Variants in FBLN5 observed in about 807,000 individuals in gnomAD.
FBLN5 encodes fibulin 5.
In FBLN5, 24 loss-of-function variants were observed where a neutral mutation model predicts 61.6. That is an observed-to-expected ratio of 0.39 (90% CI 0.28 to 0.55). The LOEUF (loss-of-function observed/expected upper bound fraction) is 0.55, where lower values mean the gene tolerates loss of function less well. Among genes scored for constraint, FBLN5 ranks in the 20% least tolerant of loss-of-function variants. The probability of loss-of-function intolerance (pLI) is 0.65; values close to 1 mark genes in which losing one functional copy is unlikely to be tolerated. For missense variants in FBLN5, 470 were observed against 594.1 expected (o/e 0.79, Z 2.17); for synonymous variants, 213 against 219.8 (o/e 0.97, Z 0.27).
intron 9 of FBLN5, among the ~76,000 whole-genome samples, chr14:91,878,895 G>A (rs1328655779): frequency 6.6e-6 from 1 of 152,112 alleles, no homozygotes; most frequent in Non-Finnish European, 1.5e-5. Context: ...CTTGAGTCCA[G>A]GAGTTCAAGA....
intron 10 of FBLN5, among the ~76,000 whole-genome samples, chr14:91,872,137 T>C (rs141883289): frequency 6.6e-6 from 1 of 152,220 alleles, no homozygotes; most frequent in African/African-American, 2.4e-5. Flanking sequence ...TACTTCCCCG[T>C]TTTATAAGTA....
At chr14:91,937,900 T>C (rs1384518096) in intron 3 of FBLN5, among the ~76,000 whole-genome samples, 1 of 152,252 alleles carries the variant, frequency 6.6e-6, no homozygotes, top group African/African-American at 2.4e-5. Context: ...AGTAAGCCCA[T>C]ATTTGAAGCC....
At chr14:91,889,138 AC>A (rs1165258962) in intron 6 of FBLN5, among the ~76,000 whole-genome samples, 1 of 152,162 alleles carries the variant, frequency 6.6e-6, no homozygotes. Context: ...ACTGGCCCCC[AC>A]CAGTGCCCGT....
At chr14:91,890,396 C>T (rs980942072) in intron 6 of FBLN5, among the ~76,000 whole-genome samples, 11 of 152,196 alleles carry the variant, frequency 7.2e-5, no homozygotes, top group African/African-American at 2.2e-4. Flanking sequence ...CCTCATTCTG[C>T]GTCTGCAGCA....
chr14:91,877,955 G>A (rs905306004), intron 9 of FBLN5: 1 of 570,008 alleles, frequency 1.8e-6, no homozygotes, highest in African/African-American at 1.8e-5. Context: ...CAGAACATTA[G>A]AACATTCTCC....
chr14:91,877,702 G>A lies in FBLN5; in HGVS notation c.990-20C>T, dbSNP rs752916237. 1.2e-5 allele frequency: 20 copies of A among 1,605,176 alleles called. No homozygotes were observed. In the East Asian group the frequency reaches 1.8e-4, roughly 14 times the overall value. On this transcript the variant is annotated intron_variant, in intron 9 of 10. Transcript: ENST00000342058. ...CAGCGGCTGTGGAAAGGGAAATCAC[G>A]TGAGAACTCAAGAAATCCATTCCAG... is the stretch of plus-strand genomic sequence containing the variant.
intron 7 of FBLN5, among the ~76,000 whole-genome samples, chr14:91,883,738 G>A (rs918382411): frequency 4.0e-5 from 6 of 151,816 alleles, no homozygotes; most frequent in Admixed American, 1.3e-4. Flanking sequence ...TGAGGGATGG[G>A]CAGGGATATA....
intron 4 of FBLN5, among the ~76,000 whole-genome samples, chr14:91,900,272 A>G (rs1890399525): frequency 1.3e-5 from 2 of 152,256 alleles, no homozygotes; most frequent in South Asian, 4.1e-4. Flanking sequence ...AACAGACTTA[A>G]TATATCACAT....
Position 91,877,701 on chromosome 14 carries a change from C to G in FBLN5, c.990-19G>C, listed in dbSNP as rs548464113. 4.3e-5 allele frequency: 69 copies of G among 1,606,036 alleles called. 1 individual carries two copies. The highest frequency in any genetic ancestry group is 1.3e-4 in the Admixed American group (8 of 59,998). Reference sequence around the variant, plus strand: ...ACAGCGGCTGTGGAAAGGGAAATCACGTGAGAACTCAAGAAATCCATTCCA... The same window carrying G: ...ACAGCGGCTGTGGAAAGGGAAATCAGGTGAGAACTCAAGAAATCCATTCCA... On this transcript the variant is annotated intron_variant, in intron 9 of 10. Transcript: ENST00000342058.
intron 9 of FBLN5, 37 bp downstream of exon 9, chr14:91,881,255 T>G (rs1442414322): frequency 1.2e-6 from 2 of 1,612,570 alleles, no homozygotes; most frequent in Non-Finnish European, 1.7e-6. Context: ...CAGGCCCTCA[T>G]CAGGTTTCTA....
chr14:91,879,584 A>G (rs934634781), intron 9 of FBLN5, among the ~76,000 whole-genome samples: 14 of 152,228 alleles, frequency 9.2e-5, no homozygotes, highest in African/African-American at 3.4e-4. Context: ...GTGGCCTGGA[A>G]AAACCCAGAG....
At position 91,870,107 on chromosome 14, in the gene FBLN5, A is replaced by C; in HGVS notation, c.*117T>G. 4.5e-6 allele frequency: 5 copies of C among 1,106,936 alleles called. No individual in the cohort carries two copies. Among genetic ancestry groups the C allele is most frequent in the Middle Eastern group, 2.0e-4 (1 of 5,078 alleles). 68.6% of individuals were successfully genotyped at this position (1,106,936 alleles called of 1,614,324 possible). On this transcript the variant is annotated 3_prime_UTR_variant, in exon 11 of 11. Coordinates refer to ENST00000342058, the MANE Select transcript of FBLN5 (RefSeq NM_006329.4). ...GGAAGTCGGGGCTGACTCTTCGGGG[A>C]AACGTTCAGCAGGAAATGCCTAACG...
intron 4 of FBLN5, among the ~76,000 whole-genome samples, chr14:91,932,771 T>A (rs1021494906): frequency 3.3e-5 from 5 of 152,156 alleles, no homozygotes; most frequent in African/African-American, 1.2e-4. Flanking sequence ...CTCCGAAACG[T>A]ATGAAATTCT....
Position 91,947,144 on chromosome 14 carries a change from T to G in FBLN5, c.17+69A>C, listed in dbSNP as rs921721136. On this transcript the variant is annotated intron_variant, in intron 1 of 10. Transcript: ENST00000342058. This position sits in a 1 kb window ranked among gnomAD's most constrained non-coding sequence, Gnocchi z 4.3. ...GCCTGAATCGCAGCCATAACCATTTTCCACCCATCGGATTTTTAGCAAGGC... is the reference window on the plus strand; with the variant it reads ...GCCTGAATCGCAGCCATAACCATTTGCCACCCATCGGATTTTTAGCAAGGC... The G allele has an allele frequency of 2.1e-5, 34 of 1,608,398 alleles. No homozygotes were observed. Among genetic ancestry groups the G allele is most frequent in the Middle Eastern group, 1.6e-4 (1 of 6,068 alleles).
intron 9 of FBLN5, 98 bp downstream of exon 9, chr14:91,881,194 A>T: frequency 7.2e-7 from 1 of 1,397,886 alleles, no homozygotes. Flanking sequence ...AGGTCCCCTC[A>T]CTTCCTGGCT....
At position 91,912,462 on chromosome 14, in the gene FBLN5, T is replaced by C. The variant is rs956464568; in HGVS notation, c.380-17390A>G. Among the ~76,000 whole-genome samples the C allele has an allele frequency of 1.5e-4, 23 of 152,176 alleles. 1 individual carries two copies. Among genetic ancestry groups the C allele is most frequent in the Admixed American group, 6.5e-5 (1 of 15,282 alleles). ...GAGTTCAAGACCAGCCTGGCCAACG[T>C]GGTGAAACCCTGTATCTACTAAAAA... is the stretch of plus-strand genomic sequence containing the variant. On this transcript the variant is annotated intron_variant, in intron 4 of 10. Coordinates refer to ENST00000342058, the MANE Select transcript of FBLN5 (RefSeq NM_006329.4).
intron 4 of FBLN5, among the ~76,000 whole-genome samples, chr14:91,924,488 G>A (rs985452742): frequency 6.6e-6 from 1 of 151,488 alleles, no homozygotes; most frequent in Non-Finnish European, 1.5e-5. Context: ...AGGAGTTTGA[G>A]ACCAGCCTGG....
intron 2 of FBLN5, among the ~76,000 whole-genome samples, chr14:91,941,863 G>A (rs868680802): frequency 4.6e-5 from 7 of 152,148 alleles, no homozygotes; most frequent in Admixed American, 2.6e-4. Context: ...CAGTAAACAC[G>A]ACCCTGAACC....
At chr14:91,871,163 G>A (rs1888907687) in intron 10 of FBLN5, among the ~76,000 whole-genome samples, 1 of 140,188 alleles carries the variant, frequency 7.1e-6, no homozygotes, top group East Asian at 2.3e-4. Context: ...TGGAATAAAA[G>A]TTTTAAAAAA....
Sources: allele counts gnomAD v4.1 joint callset (sites outside exome capture counted in the v4.1 genomes callset), GRCh38; gene constraint gnomAD v4.1.1; non-coding constraint Gnocchi (gnomAD v3.1); transcripts MANE v1.5; gene names NCBI Gene and HGNC (gene_info 2026-07-23, HGNC 2026-07-21).